Variants in CDH13 observed in about 807,000 individuals in gnomAD.
The protein encoded by CDH13 is cadherin-13.
A neutral mutation model predicts 63.8 loss-of-function variants in CDH13; 24 were observed. That is an observed-to-expected ratio of 0.38 (90% CI 0.27 to 0.53). CDH13 has a LOEUF of 0.53. CDH13 is among the 20% of genes least tolerant of loss of function. CDH13 has a pLI of 0.85. For missense variants in CDH13, 1,049 were observed against 903.1 expected (o/e 1.16, Z -2.07); for synonymous variants, 503 against 355.3 (o/e 1.42, Z -4.67).
chr16:83,328,088 G>T (rs1007969053), intron 5 of CDH13, among the ~76,000 whole-genome samples: 1 of 148,744 alleles, frequency 6.7e-6, no homozygotes, highest in Non-Finnish European at 1.5e-5. Flanking sequence ...AGCCGAGATG[G>T]CACCACTGCA....
chr16:82,627,385 T>TGTGTGTGTGTGTGTGTGTGTGTGTG (rs1555525877), intron 1 of CDH13, among the ~76,000 whole-genome samples: 1 of 147,748 alleles, frequency 6.8e-6, no homozygotes, highest in Non-Finnish European at 1.5e-5. Context: ...TGTGTGTACG[T>TGTGTGTGTGTGTGTGTGTGTGTGTG]TCGTTAACGG....
rs565876295 is a variant in CDH13, at chr16:83,164,245, T to C, written c.483+38744T>C. 1.5e-4 allele frequency among the ~76,000 whole-genome samples: 23 copies of C among 152,158 alleles called. No homozygotes were observed. In the East Asian group the frequency reaches 2.5e-3, roughly 17 times the overall value. On this transcript the variant is annotated intron_variant, in intron 4 of 13. Transcript: ENST00000567109. ...TAGGCATGATTAACTTAATTTTCCA[T>C]TGTGAACACTGAAGGTTGGACAGAT...
intron 1 of CDH13, among the ~76,000 whole-genome samples, chr16:82,647,531 C>T (rs1333319994): frequency 1.3e-5 from 2 of 152,184 alleles, no homozygotes; most frequent in African/African-American, 4.8e-5. Flanking sequence ...TGGAGCTTAA[C>T]TCCCCTGGGA....
chr16:83,152,616 G>T (rs1047400099), intron 4 of CDH13, among the ~76,000 whole-genome samples: 1 of 152,130 alleles, frequency 6.6e-6, no homozygotes, highest in Non-Finnish European at 1.5e-5. Context: ...TCTGGGACAG[G>T]TTTCAGAGTA....
chr16:83,738,767 A>T (rs756901050), intron 10 of CDH13, among the ~76,000 whole-genome samples: 19 of 152,156 alleles, frequency 1.2e-4, no homozygotes, highest in Non-Finnish European at 2.2e-4. Context: ...TTAGCCGGGC[A>T]TGGTTGCACA....
At position 82,887,932 on chromosome 16, in the gene CDH13, C is replaced by G. The variant is rs528062039; in HGVS notation, c.157+29459C>G. 2.6e-5 allele frequency among the ~76,000 whole-genome samples: 4 copies of G among 152,192 alleles called. No individual in the cohort carries two copies. In the South Asian group the frequency reaches 8.3e-4, roughly 32 times the overall value. ...AACGTGTTGAAAACAGCATGGAAGC[C>G]CATTCTGGAAAGCAGTGGTGATTGT... On this transcript the variant is annotated intron_variant, in intron 2 of 13. Coordinates refer to ENST00000567109, the MANE Select transcript of CDH13 (RefSeq NM_001257.5).
rs954473550 is a variant in CDH13 at position 83,401,635 on chromosome 16, C to A, written c.781+56629C>A. On this transcript the variant is annotated intron_variant, in intron 6 of 13. Coordinates refer to ENST00000567109, the MANE Select transcript of CDH13 (RefSeq NM_001257.5). ...ACAACAACCTCATGAAGTGTATATACCAGTAATATTCCCATTTTATGGACA... is the reference window on the plus strand; with the variant it reads ...ACAACAACCTCATGAAGTGTATATAACAGTAATATTCCCATTTTATGGACA... Among the ~76,000 whole-genome samples the A allele has an allele frequency of 5.9e-5, 9 of 151,876 alleles. 1 individual carries two copies. The highest frequency in any genetic ancestry group is 4.4e-5 in the Non-Finnish European group (3 of 67,992).
At chr16:83,605,780 C>T (rs1362976703) in intron 8 of CDH13, among the ~76,000 whole-genome samples, 3 of 152,152 alleles carry the variant, frequency 2.0e-5, no homozygotes, top group Admixed American at 6.5e-5. Flanking sequence ...ATCGAAAGGG[C>T]CACCTCCCCT....
intron 1 of CDH13, among the ~76,000 whole-genome samples, chr16:82,795,368 A>G (rs1342210619): frequency 1.3e-5 from 2 of 152,158 alleles, no homozygotes; most frequent in Non-Finnish European, 2.9e-5. Flanking sequence ...AACAAAGGAG[A>G]GGCACAGCAA....
chr16:83,153,903 G>A (rs2037096765), intron 4 of CDH13, among the ~76,000 whole-genome samples: 2 of 152,190 alleles, frequency 1.3e-5, no homozygotes, highest in South Asian at 4.1e-4. Context: ...AATTCTGGAG[G>A]TGAGAGATGG....
At chr16:83,617,400 C>T (rs562237302) in intron 8 of CDH13, among the ~76,000 whole-genome samples, 1 of 152,144 alleles carries the variant, frequency 6.6e-6, no homozygotes, top group East Asian at 1.9e-4. Flanking sequence ...CCCTAATATG[C>T]ACATATTCTA....
chr16:82,985,733 C>T (rs747924599), intron 2 of CDH13, among the ~76,000 whole-genome samples: 1 of 152,118 alleles, frequency 6.6e-6, no homozygotes, highest in Non-Finnish European at 1.5e-5. Context: ...CAATCCCCAG[C>T]ATTGGAGGTG....
chr16:83,061,377 C>T (rs528048330), intron 3 of CDH13, among the ~76,000 whole-genome samples: 1 of 152,184 alleles, frequency 6.6e-6, no homozygotes, highest in Non-Finnish European at 1.5e-5. Context: ...TGTGAATTCC[C>T]AGCATCATGG....
At chr16:82,679,180 T>C (rs1914268253) in intron 1 of CDH13, among the ~76,000 whole-genome samples, 1 of 152,194 alleles carries the variant, frequency 6.6e-6, no homozygotes, top group Non-Finnish European at 1.5e-5. Context: ...GCAGGTTCTC[T>C]TGGGTATTCC....
At chr16:83,272,622 G>C (rs1324693566) in intron 5 of CDH13, among the ~76,000 whole-genome samples, 1 of 152,184 alleles carries the variant, frequency 6.6e-6, no homozygotes, top group Non-Finnish European at 1.5e-5. Context: ...CCAGGCTGCA[G>C]AGAGACATCT....
At chr16:82,655,396 G>A (rs1449578702) in intron 1 of CDH13, among the ~76,000 whole-genome samples, 10 of 152,222 alleles carry the variant, frequency 6.6e-5, no homozygotes, top group Non-Finnish European at 1.2e-4. Flanking sequence ...CTCTGAAGTA[G>A]ATGAGATGGC....
intron 6 of CDH13, among the ~76,000 whole-genome samples, chr16:83,372,240 C>A (rs1321511324): frequency 2.0e-5 from 3 of 152,152 alleles, no homozygotes; most frequent in African/African-American, 7.2e-5. Context: ...ATATTTTACA[C>A]AAGATTGCTC....
At chr16:83,634,252 G>A (rs1027341228) in intron 8 of CDH13, among the ~76,000 whole-genome samples, 5 of 151,834 alleles carry the variant, frequency 3.3e-5, no homozygotes, top group Admixed American at 1.3e-4. Flanking sequence ...AGGGCTACCT[G>A]TCTTGCTACT....
intron 7 of CDH13, among the ~76,000 whole-genome samples, chr16:83,560,753 C>A (rs929565222): frequency 9.9e-5 from 15 of 152,230 alleles, no homozygotes; most frequent in African/African-American, 3.6e-4. Context: ...GTTACTAAGT[C>A]TCTCCAAGTT....
Sources: gnomAD v4.1 joint callset for allele counts (sites outside exome capture counted in the v4.1 genomes callset) on GRCh38, gnomAD v4.1.1 for gene constraint, MANE v1.5 for transcripts, NCBI Gene and HGNC (gene_info 2026-07-23, HGNC 2026-07-21) for gene names.